SLC8A1: variants seen among roughly 807,000 people sequenced by gnomAD.
SLC8A1 encodes solute carrier family 8 member A1, also known as sodium/calcium exchanger 1.
SLC8A1 carries 18 observed loss-of-function variants against 68.3 expected under a neutral mutation model. The ratio of observed to expected loss-of-function variants is 0.26; its 90% CI spans 0.18 to 0.39. The LOEUF is 0.39. Ranked by LOEUF, SLC8A1 falls within the 10% of genes least tolerant of loss-of-function variation. The pLI, the probability that SLC8A1 is intolerant of heterozygous loss-of-function variation, is 1.00. For missense variants in SLC8A1, 985 were observed against 1,156.7 expected (o/e 0.85, Z 2.15); for synonymous variants, 475 against 415.5 (o/e 1.14, Z -1.74).
intron 1 of SLC8A1, among the ~76,000 whole-genome samples, chr2:40,490,740 T>C (rs931584658): frequency 1.3e-5 from 2 of 152,220 alleles, no homozygotes; most frequent in East Asian, 1.9e-4. Flanking sequence ...TTGGCAAATA[T>C]ATTGAACACA....
chr2:40,332,623 A>C (rs762039783), intron 2 of SLC8A1, among the ~76,000 whole-genome samples: 31 of 152,350 alleles, frequency 2.0e-4, no homozygotes, highest in Non-Finnish European at 4.4e-4. Context: ...ACCAAGCTGC[A>C]GAAAATAAAT....
intron 3 of SLC8A1, 80 bp from the exon 4 acceptor site, chr2:40,175,361 G>A (rs2048286049): frequency 7.0e-7 from 1 of 1,430,550 alleles, no homozygotes; most frequent in African/African-American, 1.4e-5. Context: ...TCAGCAGAAA[G>A]AAATCCAGGC....
intron 2 of SLC8A1, among the ~76,000 whole-genome samples, chr2:40,423,826 A>G (rs1031560449): frequency 2.6e-5 from 4 of 152,010 alleles, no homozygotes. Flanking sequence ...TATAATAGCT[A>G]TGCATTCAGA....
intron 6 of SLC8A1, among the ~76,000 whole-genome samples, chr2:40,148,373 A>G (rs2042844012): frequency 6.6e-6 from 1 of 152,230 alleles, no homozygotes; most frequent in Admixed American, 6.5e-5. Flanking sequence ...CTGGCTCTAC[A>G]GCAATGACAA....
At chr2:40,480,501 T>C (rs1240255192) in intron 1 of SLC8A1, among the ~76,000 whole-genome samples, 1 of 152,206 alleles carries the variant, frequency 6.6e-6, no homozygotes, top group Non-Finnish European at 1.5e-5. Flanking sequence ...CATTTTGATA[T>C]TGGATTTCCA....
At chr2:40,117,974 A>C (rs1243343796) in intron 7 of SLC8A1, among the ~76,000 whole-genome samples, 2 of 152,238 alleles carry the variant, frequency 1.3e-5, no homozygotes, top group Admixed American at 6.5e-5. Context: ...GTCAATTCTG[A>C]AGGCCTATCA....
chr2:40,200,754 G>A (rs2054210308), intron 2 of SLC8A1, among the ~76,000 whole-genome samples: 1 of 151,770 alleles, frequency 6.6e-6, no homozygotes, highest in Non-Finnish European at 1.5e-5. Flanking sequence ...TGAGCCAGAA[G>A]AAGGAATTTT....
intron 3 of SLC8A1, among the ~76,000 whole-genome samples, chr2:40,176,929 TA>T (rs935312724): frequency 6.6e-6 from 1 of 152,146 alleles, no homozygotes; most frequent in African/African-American, 2.4e-5. Context: ...CAATTCAGAA[TA>T]AAAAATCCTC....
chr2:40,461,892 A>C (rs1425815390), intron 1 of SLC8A1, among the ~76,000 whole-genome samples: 1 of 152,040 alleles, frequency 6.6e-6, no homozygotes, highest in Non-Finnish European at 1.5e-5. Context: ...CGTTATAAGA[A>C]ATCTAGTGTT....
chr2:40,496,959 G>A (rs1343764426), intron 1 of SLC8A1, among the ~76,000 whole-genome samples: 1 of 149,746 alleles, frequency 6.7e-6, no homozygotes, highest in Non-Finnish European at 1.5e-5. Context: ...AGCATTGGGA[G>A]ATATACCTAA....
chr2:40,438,233 G>C (rs1699814215), intron 1 of SLC8A1, among the ~76,000 whole-genome samples: 1 of 152,116 alleles, frequency 6.6e-6, no homozygotes, highest in South Asian at 2.1e-4. Flanking sequence ...TAACCCTGAA[G>C]AGAAACAGCA....
chr2:40,492,562 AC>A (rs1705390862), intron 1 of SLC8A1, among the ~76,000 whole-genome samples: 1 of 151,486 alleles, frequency 6.6e-6, no homozygotes, highest in African/African-American at 2.4e-5. Context: ...CAGGCAACCT[AC>A]AAAATTGGAG....
intron 2 of SLC8A1, among the ~76,000 whole-genome samples, chr2:40,305,232 G>T (rs2072342566): frequency 6.6e-6 from 1 of 152,192 alleles, no homozygotes; most frequent in Admixed American, 6.5e-5. Flanking sequence ...GAAGACAGAA[G>T]GATGACCATG....
At chr2:40,272,830 C>A (rs1366127763) in intron 2 of SLC8A1, among the ~76,000 whole-genome samples, 1 of 152,252 alleles carries the variant, frequency 6.6e-6, no homozygotes, top group African/African-American at 2.4e-5. Flanking sequence ...TCTGCTGCCA[C>A]AGACTCTGGC....
At chr2:40,188,106 T>G (rs1014476852) in intron 2 of SLC8A1, among the ~76,000 whole-genome samples, 3 of 152,196 alleles carry the variant, frequency 2.0e-5, no homozygotes, top group African/African-American at 4.8e-5. Context: ...CAAATTGATT[T>G]TTTATTGCTT....
intron 2 of SLC8A1, among the ~76,000 whole-genome samples, chr2:40,263,320 A>C (rs2064946959): frequency 6.6e-6 from 1 of 152,262 alleles, no homozygotes; most frequent in Admixed American, 6.5e-5. Context: ...ATAGCAACAC[A>C]GTGCTAGCTG....
rs1252272426 is a variant in SLC8A1, at chr2:40,141,164, AT to A, written c.2162-1489del. Among the ~76,000 whole-genome samples the A allele has an allele frequency of 3.9e-5, 6 of 152,108 alleles. No individual in the cohort carries two copies. In the East Asian group the frequency reaches 1.2e-3, roughly 30 times the overall value. On this transcript the variant is annotated intron_variant, in intron 6 of 7. Transcript: ENST00000406785. ...GCAGCCGGCAGTAGGTGGGGCTGCA[AT>A]TTTCCACCTGAACCACGTGACCTGA...
chr2:40,349,985 G>C (rs12611602), intron 2 of SLC8A1, among the ~76,000 whole-genome samples: 85,050 of 152,034 alleles, frequency 0.56, 24,856 homozygotes, highest in East Asian at 0.87. Flanking sequence ...TTCCAGAGAT[G>C]ACTAAAAATC....
chr2:40,245,230 A>G (rs1343917801), intron 2 of SLC8A1, among the ~76,000 whole-genome samples: 1 of 152,184 alleles, frequency 6.6e-6, no homozygotes, highest in Non-Finnish European at 1.5e-5. Context: ...TGTGCTGTTC[A>G]TGTACAGGTC....
Sources: allele counts gnomAD v4.1 joint callset (sites outside exome capture counted in the v4.1 genomes callset), GRCh38; gene constraint gnomAD v4.1.1; transcripts MANE v1.5; gene names NCBI Gene and HGNC (gene_info 2026-07-23, HGNC 2026-07-21).